RFX3: variants seen among roughly 807,000 people sequenced by gnomAD.
RFX3 encodes transcription factor RFX3.
A neutral mutation model predicts 98.6 loss-of-function variants in RFX3; 14 were observed. That is an observed-to-expected ratio of 0.14 (90% CI 0.09 to 0.22). RFX3 has a LOEUF of 0.22. RFX3 is among the 10% of genes least tolerant of loss of function. RFX3 has a pLI of 1.00. For missense variants in RFX3, 639 were observed against 926.9 expected, an observed-to-expected ratio of 0.69 and a Z score of 4.03; for synonymous variants, 383 against 328.4, an observed-to-expected ratio of 1.17 and a Z score of -1.80.
chr9:3,339,129 A>T lies in RFX3; in HGVS notation c.215+7538T>A, dbSNP rs189161380. On this transcript the variant is annotated intron_variant, in intron 3 of 16. Transcript: ENST00000617270. Reference sequence around the variant, plus strand: ...TAATTCTTTTAGCCTACTTGAGTTTAAAAAAAAAACCCCAAAGTCTACTGT... The same window carrying T: ...TAATTCTTTTAGCCTACTTGAGTTTTAAAAAAAAACCCCAAAGTCTACTGT... Among the ~76,000 whole-genome samples, 421 of 148,814 alleles carry T rather than the reference A, an allele frequency of 2.8e-3. 1 individual carries two copies. Among genetic ancestry groups the T allele is most frequent in the East Asian group, 0.013 (68 of 5,108 alleles).
intron 10 of RFX3, 199 bp downstream of exon 10, chr9:3,270,804 T>C: frequency 1.4e-6 from 1 of 719,152 alleles, no homozygotes; most frequent in Non-Finnish European, 2.3e-6. Flanking sequence ...GTCCCCCAAA[T>C]CAGTACAAAT....
chr9:3,326,331 TA>T (rs1387188588), intron 4 of RFX3, among the ~76,000 whole-genome samples: 3 of 152,222 alleles, frequency 2.0e-5, no homozygotes, highest in Non-Finnish European at 4.4e-5. Context: ...GCTGACTTTA[TA>T]AACTTTTATT....
chr9:3,282,140 G>A (rs1286239239), intron 7 of RFX3, among the ~76,000 whole-genome samples: 2 of 151,670 alleles, frequency 1.3e-5, no homozygotes, highest in Non-Finnish European at 3.0e-5. Context: ...AATCTCTTTG[G>A]AAAAAACTGT....
At chr9:3,239,571 A>C (rs80009534) in intron 15 of RFX3, among the ~76,000 whole-genome samples, 2,808 of 152,270 alleles carry the variant, frequency 0.018, 89 homozygotes, top group African/African-American at 0.064. Flanking sequence ...ATTGTGTTTA[A>C]ATGTCTAAGA....
chr9:3,391,678 G>A (rs1402377848), intron 2 of RFX3, among the ~76,000 whole-genome samples: 1 of 152,080 alleles, frequency 6.6e-6, no homozygotes, highest in Admixed American at 6.6e-5. Context: ...GGGGTGGTGA[G>A]GGTGTGTATG....
intron 4 of RFX3, among the ~76,000 whole-genome samples, chr9:3,304,522 G>A (rs1211888856): frequency 2.6e-5 from 4 of 151,994 alleles, no homozygotes; most frequent in Non-Finnish European, 5.9e-5. Context: ...ATCTCATCTT[G>A]AATTGTAGCT....
intron 1 of RFX3, among the ~76,000 whole-genome samples, chr9:3,504,823 TATAAAA>T (rs1253497546): frequency 1.0e-5 from 1 of 95,752 alleles, no homozygotes. Flanking sequence ...ATATATTATA[TATAAAA>T]TATGTATAAA....
At chr9:3,294,743 T>C (rs757395014) in intron 5 of RFX3, among the ~76,000 whole-genome samples, 2 of 152,148 alleles carry the variant, frequency 1.3e-5, no homozygotes, top group Non-Finnish European at 2.9e-5. Context: ...TAAACCCATA[T>C]TGATAGTTGG....
intron 2 of RFX3, among the ~76,000 whole-genome samples, chr9:3,368,508 A>T (rs1419716524): frequency 1.3e-5 from 2 of 152,224 alleles, no homozygotes; most frequent in Non-Finnish European, 2.9e-5. Context: ...AATATAGAGA[A>T]AAGTAAAAGG....
chr9:3,504,900 T>TTATATATATATATAATATAACATATATTA (rs1816689097), intron 1 of RFX3, among the ~76,000 whole-genome samples: 1 of 62,726 alleles, frequency 1.6e-5, no homozygotes, highest in Non-Finnish European at 2.4e-5. Flanking sequence ...ATAACATATA[T>TTATATATATATATAATATAACATATATTA]TATATATATA....
chr9:3,292,253 TTAAAA>T (rs1333134653), intron 6 of RFX3, among the ~76,000 whole-genome samples: 9 of 151,954 alleles, frequency 5.9e-5, no homozygotes, highest in Non-Finnish European at 1.0e-4. Context: ...GTCCAGCTAC[TTAAAA>T]TATTTATCTT....
chr9:3,511,348 T>C (rs1587905197), intron 1 of RFX3, among the ~76,000 whole-genome samples: 2 of 152,136 alleles, frequency 1.3e-5, no homozygotes, highest in South Asian at 4.1e-4. Flanking sequence ...ATTACATGAA[T>C]AACGATTTTT....
chr9:3,219,037 C>T lies in RFX3; in HGVS notation c.*6005G>A, dbSNP rs753500659. ...TAACCTAATTAAAAGTTTACCACCTCAGGCACAAATTTCCAAGTTTTCTCA... is the reference window on the plus strand; with the variant it reads ...TAACCTAATTAAAAGTTTACCACCTTAGGCACAAATTTCCAAGTTTTCTCA... On this transcript the variant is annotated 3_prime_UTR_variant, in exon 17 of 17. Coordinates refer to ENST00000617270, the MANE Select transcript of RFX3 (RefSeq NM_001282116.2). 40 of 152,128 alleles carry T rather than the reference C, an allele frequency of 2.6e-4. No individual in the cohort carries two copies. The highest frequency in any genetic ancestry group is 5.4e-4 in the Non-Finnish European group (37 of 68,016). The allele number at this position is 152,128 out of a possible 1,614,324, so 9.4% of individuals were successfully genotyped here.
chr9:3,417,690 A>C (rs565939128), intron 1 of RFX3, among the ~76,000 whole-genome samples: 2 of 152,270 alleles, frequency 1.3e-5, no homozygotes, highest in Admixed American at 6.5e-5. Flanking sequence ...AAAAAGAATT[A>C]AATGACTAAA....
chr9:3,375,394 T>C (rs1009846858), intron 2 of RFX3, among the ~76,000 whole-genome samples: 7 of 152,234 alleles, frequency 4.6e-5, no homozygotes, highest in African/African-American at 1.7e-4. Flanking sequence ...ACTCTGTCCA[T>C]GGCATGCTGC....
rs1022278449 is a variant in RFX3 at position 3,238,698 on chromosome 9, T to G, written c.1968+9334A>C. Among the ~76,000 whole-genome samples, 28 of 152,304 alleles carry G rather than the reference T, an allele frequency of 1.8e-4. No homozygotes were observed. In the South Asian group the frequency reaches 4.1e-3, roughly 23 times the overall value. ...GAATTTTACAAATAATATATAGCTC[T>G]GCAATTTCCTGTGATTTCAATTCTA... is the stretch of plus-strand genomic sequence containing the variant. On this transcript the variant is annotated intron_variant, in intron 15 of 16. Transcript: ENST00000617270.
intron 1 of RFX3, among the ~76,000 whole-genome samples, chr9:3,456,592 C>T (rs1372070923): frequency 1.3e-5 from 2 of 152,188 alleles, no homozygotes; most frequent in Non-Finnish European, 2.9e-5. Context: ...TTTCTCCAAG[C>T]TGACATCAAT....
intron 1 of RFX3, among the ~76,000 whole-genome samples, chr9:3,483,738 G>A (rs1850011772): frequency 6.6e-6 from 1 of 152,172 alleles, no homozygotes; most frequent in Admixed American, 6.5e-5. Flanking sequence ...CAATCTTGCC[G>A]TGGCAACACT....
intron 2 of RFX3, among the ~76,000 whole-genome samples, chr9:3,391,679 G>A (rs917532716): frequency 1.3e-5 from 2 of 151,930 alleles, no homozygotes; most frequent in Non-Finnish European, 2.9e-5. Flanking sequence ...GGGTGGTGAG[G>A]GTGTGTATGT....
Sources: allele counts gnomAD v4.1 joint callset (sites outside exome capture counted in the v4.1 genomes callset), GRCh38; gene constraint gnomAD v4.1.1; transcripts MANE v1.5; gene names NCBI Gene and HGNC (gene_info 2026-07-23, HGNC 2026-07-21).